ADGRG2: variants seen among roughly 807,000 people sequenced by gnomAD.
ADGRG2 encodes the protein G protein-coupled receptor 64.
In ADGRG2, 26 loss-of-function variants were observed where a neutral mutation model predicts 74.1. The ratio of observed to expected loss-of-function variants is 0.35; its 90% CI spans 0.26 to 0.49. The LOEUF (loss-of-function observed/expected upper bound fraction) is 0.49, where lower values mean the gene tolerates loss of function less well. Ranked by LOEUF, ADGRG2 falls within the 20% of genes least tolerant of loss-of-function variation. The pLI is 0.99. For missense variants in ADGRG2, 619 were observed against 763.1 expected, an observed-to-expected ratio of 0.81 and a Z score of 2.22; for synonymous variants, 296 against 295.2, an observed-to-expected ratio of 1.00 and a Z score of -0.03.
At chrX:18,994,774 A>T (rs2059986121) in intron 28 of ADGRG2, 122 bp downstream of exon 28, 1 of 401,884 alleles carries the variant, frequency 2.5e-6, no homozygotes, top group Non-Finnish European at 4.2e-6. Context: ...CCACATTTTG[A>T]TCCACTAGTC....
chrX:19,019,579 T>A lies in ADGRG2; in HGVS notation c.710+20A>T. On this transcript the variant is annotated intron_variant, in intron 15 of 28. Transcript: ENST00000379869. ...TTTTTTTTTTTTTTAAGGAGAAGGG[T>A]CAGCATGTTTGTTACATACCACTGA... 2 of 864,471 alleles carry A rather than the reference T, an allele frequency of 2.3e-6. No individual in the cohort carries two copies. The highest frequency in any genetic ancestry group is 1.7e-6 in the Non-Finnish European group (1 of 593,172). The allele number at this position is 864,471 out of a possible 1,213,427, so 71.2% of individuals were successfully genotyped here. A position where few individuals can be genotyped will look rare whatever the true frequency, so the allele number is the denominator to read the frequency against.
chrX:19,068,743 T>C lies in ADGRG2; in HGVS notation c.92A>G (p.His31Arg), dbSNP rs1028952730. Reference protein sequence around the residue: ...FKIFLVIICLHVVLVTSLEED... With the variant: ...FKIFLVIICLRVVLVTSLEED... ...TTCCAGGGATGTTACCAGAACGACA[T>C]GAAGACAAATGATGACAAGGAATAT... is the stretch of plus-strand genomic sequence containing the variant. Residue 31 changes from histidine to arginine, a missense_variant, in exon 3 of 29, where the codon CAT becomes CGT. Around this residue, in one of 3 missense-constraint regions of ADGRG2, gnomAD observed 292 missense variants for 318.0 expected, o/e 0.92. Coordinates refer to ENST00000379869, the MANE Select transcript of ADGRG2 (RefSeq NM_001079858.3). The C allele has an allele frequency of 2.7e-6, 3 of 1,100,355 alleles. No homozygotes were observed. The highest frequency in any genetic ancestry group is 3.7e-5 in the African/African-American group (2 of 54,539). The allele number at this position is 1,100,355 out of a possible 1,213,427, so 90.7% of individuals were successfully genotyped here.
intron 3 of ADGRG2, among the ~76,000 whole-genome samples, chrX:19,056,558 G>A (rs1329254317): frequency 8.9e-6 from 1 of 112,149 alleles, no homozygotes; most frequent in Non-Finnish European, 1.9e-5. Flanking sequence ...AAGAGGGTTG[G>A]AATTAGGCAT....
intron 15 of ADGRG2, among the ~76,000 whole-genome samples, chrX:19,019,233 C>A (rs1016527977): frequency 8.9e-6 from 1 of 111,969 alleles, no homozygotes; most frequent in African/African-American, 3.2e-5. Flanking sequence ...TACAAAACAG[C>A]CCCCAAATAT....
chrX:19,097,123 C>T (rs1364066251), intron 1 of ADGRG2, among the ~76,000 whole-genome samples: 4 of 112,416 alleles, frequency 3.6e-5, no homozygotes, highest in South Asian at 7.4e-4. Context: ...CTCTTCTTTC[C>T]GCTCCCACTT....
intron 2 of ADGRG2, among the ~76,000 whole-genome samples, chrX:19,081,255 G>C (rs1281969357): frequency 8.9e-6 from 1 of 111,732 alleles, no homozygotes. Flanking sequence ...GCAGGCACTC[G>C]ACAAAGATTT....
At chrX:19,103,354 C>T (rs1217293219) in intron 1 of ADGRG2, among the ~76,000 whole-genome samples, 1 of 112,027 alleles carries the variant, frequency 8.9e-6, no homozygotes, top group Non-Finnish European at 1.9e-5. Flanking sequence ...GAATTCCCTG[C>T]CCCATCCCAG....
rs1474786178 is a variant in ADGRG2 at position 19,065,284 on chromosome X, AAGTAAAG to A, written c.118+3426_118+3432del. 9.1e-4 allele frequency among the ~76,000 whole-genome samples: 93 copies of A among 102,042 alleles called. 1 individual carries two copies. The highest frequency in any genetic ancestry group is 3.0e-3 in the African/African-American group (84 of 27,568). 88.6% of individuals were successfully genotyped at this position (102,042 alleles called of 115,157 possible). ...CTCAAAAAAAAAAAAAAAAAAAAAA[AAGTAAAG>A]AAAAGAAAGAAAAAGAAAAAAACAA... is the stretch of plus-strand genomic sequence containing the variant. On this transcript the variant is annotated intron_variant, in intron 3 of 28. Coordinates refer to ENST00000379869, the MANE Select transcript of ADGRG2 (RefSeq NM_001079858.3).
chrX:19,009,597 G>T, intron 18 of ADGRG2, 29 bp downstream of exon 18: 1 of 1,173,481 alleles, frequency 8.5e-7, no homozygotes, highest in South Asian at 1.8e-5. Flanking sequence ...ACAAGAGAAT[G>T]TTTTTTTCTG....
At chrX:19,089,933 T>C (rs1298929054) in intron 1 of ADGRG2, among the ~76,000 whole-genome samples, 4 of 112,349 alleles carry the variant, frequency 3.6e-5, no homozygotes, top group African/African-American at 9.7e-5. Context: ...TGTTTTGTTA[T>C]GTGGAAAAAA....
chrX:19,069,234 T>C (rs1284975456), intron 2 of ADGRG2, among the ~76,000 whole-genome samples: 1 of 112,154 alleles, frequency 8.9e-6, no homozygotes, highest in Non-Finnish European at 1.9e-5. Flanking sequence ...GGTCTCGCTA[T>C]GTAGCCCAGG....
chrX:19,056,230 G>C, intron 3 of ADGRG2, among the ~76,000 whole-genome samples: 1 of 111,692 alleles, frequency 9.0e-6, no homozygotes, highest in Non-Finnish European at 1.9e-5. Context: ...TAATTTGAGC[G>C]CTGTGAAGTA....
chrX:18,994,358 G>T (rs1293908962), intron 28 of ADGRG2, among the ~76,000 whole-genome samples: 1 of 110,342 alleles, frequency 9.1e-6, no homozygotes, highest in African/African-American at 3.3e-5. Flanking sequence ...GCATCGTGGC[G>T]GTCACCTGTA....
At chrX:19,112,907 G>A (rs1412638634) in intron 1 of ADGRG2, among the ~76,000 whole-genome samples, 6 of 103,127 alleles carry the variant, frequency 5.8e-5, no homozygotes, top group African/African-American at 2.2e-4. Flanking sequence ...GCAGTGAGCC[G>A]AGATCGCGCC....
At chrX:19,084,234 T>C (rs1221660126) in intron 1 of ADGRG2, among the ~76,000 whole-genome samples, 7 of 107,386 alleles carry the variant, frequency 6.5e-5, no homozygotes, top group Non-Finnish European at 1.1e-4. Context: ...TTCTCACTTA[T>C]AAGTGGAAGG....
chrX:19,049,455 T>G (rs73191593), intron 3 of ADGRG2, among the ~76,000 whole-genome samples: 51,075 of 91,116 alleles, frequency 0.56, 11,741 homozygotes, highest in Non-Finnish European at 0.67. Context: ...TTTTTTTTTT[T>G]TTGTTGTTGT....
Position 19,097,416 on chromosome X carries a change from C to T in ADGRG2, c.-46-14670G>A, listed in dbSNP as rs754042096. Reference sequence around the variant, plus strand: ...ATCCCAGCTACTGGGGAGGCTGAGGCAGGAGAATCGCTTCAATCCGGGAGG... The same window carrying T: ...ATCCCAGCTACTGGGGAGGCTGAGGTAGGAGAATCGCTTCAATCCGGGAGG... On this transcript the variant is annotated intron_variant, in intron 1 of 28. Coordinates refer to ENST00000379869, the MANE Select transcript of ADGRG2 (RefSeq NM_001079858.3). 7.7e-3 allele frequency among the ~76,000 whole-genome samples: 869 copies of T among 112,340 alleles called. 8 individuals are homozygous for T. The highest frequency in any genetic ancestry group is 0.027 in the African/African-American group (836 of 30,980).
At chrX:19,045,464 C>T (rs2061166885) in intron 3 of ADGRG2, among the ~76,000 whole-genome samples, 1 of 108,698 alleles carries the variant, frequency 9.2e-6, no homozygotes, top group African/African-American at 3.4e-5. Flanking sequence ...CCTGCCACCA[C>T]GCCTGGCTAA....
intron 1 of ADGRG2, among the ~76,000 whole-genome samples, chrX:19,085,795 T>C (rs1158166679): frequency 9.0e-6 from 1 of 111,201 alleles, no homozygotes; most frequent in Non-Finnish European, 1.9e-5. Context: ...AGATTTCTTC[T>C]AGTGAAGAAA....
Sources: allele counts gnomAD v4.1 joint callset (sites outside exome capture counted in the v4.1 genomes callset), GRCh38; gene constraint gnomAD v4.1.1; regional missense constraint gnomAD v4.1.1; transcripts MANE v1.5; gene names NCBI Gene and HGNC (gene_info 2026-07-23, HGNC 2026-07-21).